Variants in ZEB1 observed in about 807,000 individuals in gnomAD.
The protein encoded by ZEB1 is zinc finger E-box binding homeobox 1.
ZEB1 carries 21 observed loss-of-function variants against 84.9 expected under a neutral mutation model. The ratio of observed to expected loss-of-function variants is 0.25; its 90% CI spans 0.18 to 0.36. The LOEUF (loss-of-function observed/expected upper bound fraction) is 0.36, where lower values mean the gene tolerates loss of function less well. Ranked by LOEUF, ZEB1 falls within the 10% of genes least tolerant of loss-of-function variation. The probability of loss-of-function intolerance (pLI) is 1.00; values close to 1 mark genes in which losing one functional copy is unlikely to be tolerated. For missense variants in ZEB1, 1,104 were observed against 1,330.2 expected, an observed-to-expected ratio of 0.83 and a Z score of 2.65; for synonymous variants, 420 against 471.1, an observed-to-expected ratio of 0.89 and a Z score of 1.41.
At chr10:31,523,068 G>A (rs886161769) in intron 7 of ZEB1, among the ~76,000 whole-genome samples, 2 of 152,194 alleles carry the variant, frequency 1.3e-5, no homozygotes, top group Non-Finnish European at 2.9e-5. Flanking sequence ...AAATGACAGG[G>A]ACAAATGGCT....
At position 31,520,885 on chromosome 10, in the gene ZEB1, A is replaced by T; in HGVS notation, c.1553A>T (p.Glu518Val). 6.2e-7 allele frequency: 1 copy of T among 1,614,158 alleles called. No individual in the cohort carries two copies. The highest frequency in any genetic ancestry group is 1.1e-5 in the South Asian group (1 of 91,082). The change falls in exon 7 of 9, where the codon GAG (glutamate) becomes GTG (valine). Residue 518 changes from glutamate to valine, a missense_variant. Transcript: ENST00000424869. The surrounding 1 kb of genome is among the most constrained non-coding windows in gnomAD (Gnocchi z 5.1). ...KLPEDLTVKS[E>V]KDKSFEGGVN... ...CCAGAAGATCTTACTGTTAAGTCTG[A>T]GAAGGACAAAAGCTTTGAAGGGGGG...
chr10:31,492,075 G>A (rs220065), intron 2 of ZEB1, among the ~76,000 whole-genome samples: 29,354 of 151,828 alleles, frequency 0.19, 5,835 homozygotes, highest in African/African-American at 0.51. Context: ...CTTACAGAAT[G>A]AGAGAGATGT....
chr10:31,331,081 CTTTTTT>C (rs548615284), intron 1 of ZEB1, among the ~76,000 whole-genome samples: 158 of 77,840 alleles, frequency 2.0e-3, no homozygotes, highest in African/African-American at 7.5e-3. Flanking sequence ...TTCTTTCTTT[CTTTTTT>C]TTTTTTTTTT....
intron 1 of ZEB1, among the ~76,000 whole-genome samples, chr10:31,390,463 A>G (rs760997920): frequency 1.3e-5 from 2 of 152,228 alleles, no homozygotes; most frequent in Non-Finnish European, 2.9e-5. Context: ...TAAACATTTT[A>G]CATCTAAATT....
chr10:31,514,715 A>T lies in ZEB1; in HGVS notation c.793+7A>T. 2 of 1,606,618 alleles carry T rather than the reference A, an allele frequency of 1.2e-6. No individual in the cohort carries two copies. Among genetic ancestry groups the T allele is most frequent in the Admixed American group, 1.7e-5 (1 of 59,832 alleles). On this transcript the variant is annotated splice_region_variant and intron_variant, in intron 6 of 8. Coordinates refer to ENST00000424869, the MANE Select transcript of ZEB1 (RefSeq NM_001174096.2). ...CACTTAAGAATTCACAGTGGTAAAT[A>T]TTTTTTTTCTTTCTATACCCTGAAT...
chr10:31,489,687 T>C (rs2066238869), intron 2 of ZEB1, among the ~76,000 whole-genome samples: 1 of 151,446 alleles, frequency 6.6e-6, no homozygotes, highest in African/African-American at 2.4e-5. Context: ...TCCTAACTTT[T>C]CACAGTCTAT....
chr10:31,327,580 A>G (rs906316392), intron 1 of ZEB1, among the ~76,000 whole-genome samples: 5 of 152,178 alleles, frequency 3.3e-5, no homozygotes, highest in African/African-American at 1.2e-4. Context: ...CTTAGATACC[A>G]ATAATTCTGT....
At chr10:31,458,941 G>T (rs1231269124) in intron 1 of ZEB1, among the ~76,000 whole-genome samples, 1 of 152,002 alleles carries the variant, frequency 6.6e-6, no homozygotes, top group South Asian at 2.1e-4. Context: ...TAAATTCATC[G>T]TAAGTTGAAA....
intron 1 of ZEB1, among the ~76,000 whole-genome samples, chr10:31,437,257 C>T (rs2058401991): frequency 6.6e-6 from 1 of 152,046 alleles, no homozygotes; most frequent in Admixed American, 6.6e-5. Context: ...TATAATACTT[C>T]ATGTATATTA....
chr10:31,363,973 A>G (rs2043924489), intron 1 of ZEB1: 10 of 1,292,812 alleles, frequency 7.7e-6, no homozygotes, highest in Non-Finnish European at 9.9e-6. Flanking sequence ...CTCACGGACA[A>G]GACGAGCAGG....
intron 2 of ZEB1, among the ~76,000 whole-genome samples, chr10:31,466,704 A>C (rs1440711544): frequency 6.6e-6 from 1 of 152,222 alleles, no homozygotes; most frequent in Non-Finnish European, 1.5e-5. Context: ...ATGGAACTAG[A>C]AAAATAAGAA....
At chr10:31,339,587 G>C (rs989693085) in intron 1 of ZEB1, among the ~76,000 whole-genome samples, 4 of 151,970 alleles carry the variant, frequency 2.6e-5, no homozygotes, top group African/African-American at 4.8e-5. Flanking sequence ...GACCAATGTG[G>C]TGAAACCCCT....
intron 2 of ZEB1, among the ~76,000 whole-genome samples, chr10:31,491,350 T>G (rs973144120): frequency 6.6e-6 from 1 of 151,820 alleles, no homozygotes; most frequent in Non-Finnish European, 1.5e-5. Flanking sequence ...CCTCAAAGTT[T>G]TAAATTCTTG....
At chr10:31,439,737 G>C (rs548245293) in intron 1 of ZEB1, among the ~76,000 whole-genome samples, 1 of 152,150 alleles carries the variant, frequency 6.6e-6, no homozygotes, top group African/African-American at 2.4e-5. Flanking sequence ...GAATTGGGCA[G>C]TTCATAAAGA....
At chr10:31,439,824 A>G (rs1395017962) in intron 1 of ZEB1, among the ~76,000 whole-genome samples, 2 of 152,166 alleles carry the variant, frequency 1.3e-5, no homozygotes, top group East Asian at 1.9e-4. Flanking sequence ...GTAGAAGACA[A>G]AGTCTGAGAG....
At chr10:31,346,147 A>G (rs1039693688) in intron 1 of ZEB1, among the ~76,000 whole-genome samples, 1 of 152,176 alleles carries the variant, frequency 6.6e-6, no homozygotes, top group Non-Finnish European at 1.5e-5. Context: ...TATGACAACT[A>G]TTAGTTAATT....
intron 1 of ZEB1, among the ~76,000 whole-genome samples, chr10:31,392,481 C>T (rs1233487017): frequency 6.6e-6 from 1 of 152,034 alleles, no homozygotes; most frequent in Non-Finnish European, 1.5e-5. Context: ...GTGATAAGGG[C>T]ATTTTAAGGT....
chr10:31,526,563 T>G (rs1266779185), intron 8 of ZEB1, 109 bp from the exon 9 acceptor site: 1 of 1,348,688 alleles, frequency 7.4e-7, no homozygotes, highest in African/African-American at 1.5e-5. Context: ...GTTTTAAAAA[T>G]GAAACTAATA....
intron 2 of ZEB1, among the ~76,000 whole-genome samples, chr10:31,485,719 T>C (rs1469102194): frequency 6.6e-6 from 1 of 151,768 alleles, no homozygotes; most frequent in East Asian, 1.9e-4. Context: ...CAGGAAATAT[T>C]TTTTTAATTA....
Sources: gnomAD v4.1 joint callset for allele counts (sites outside exome capture counted in the v4.1 genomes callset) on GRCh38, gnomAD v4.1.1 for gene constraint, Gnocchi (gnomAD v3.1) non-coding constraint, MANE v1.5 for transcripts, NCBI Gene and HGNC (gene_info 2026-07-23, HGNC 2026-07-21) for gene names.